ANO10: variants seen among roughly 807,000 people sequenced by gnomAD.
ANO10 encodes anoctamin-10.
Under a neutral mutation model 74.7 loss-of-function variants are expected in ANO10, and 77 were observed. The observed-to-expected ratio is 1.03, with a 90% CI of 0.86 to 1.25. The LOEUF (loss-of-function observed/expected upper bound fraction) is 1.25, where lower values mean the gene tolerates loss of function less well. Ranked by LOEUF, ANO10 falls within the 50% of genes most tolerant of loss-of-function variation. The pLI is 0.00. For missense variants in ANO10, 721 were observed against 778.1 expected (o/e 0.93, Z 0.87); for synonymous variants, 279 against 284.9 (o/e 0.98, Z 0.21).
intron 11 of ANO10, among the ~76,000 whole-genome samples, chr3:43,534,137 C>T (rs2078593027): frequency 6.6e-6 from 1 of 151,794 alleles, no homozygotes; most frequent in Non-Finnish European, 1.5e-5. Context: ...GCATTATTAC[C>T]CAGAGAATAA....
intron 1 of ANO10, among the ~76,000 whole-genome samples, chr3:43,639,351 A>T (rs1375295668): frequency 2.0e-5 from 3 of 152,204 alleles, no homozygotes; most frequent in Admixed American, 1.3e-4. Flanking sequence ...CTAGATCTAG[A>T]GGGCTCCCGT....
At chr3:43,489,098 C>G (rs1367181803) in intron 11 of ANO10, among the ~76,000 whole-genome samples, 1 of 147,058 alleles carries the variant, frequency 6.8e-6, no homozygotes, top group Admixed American at 7.0e-5. Flanking sequence ...CATATTCTCA[C>G]GCATAGGTGG....
At chr3:43,571,868 A>G (rs993494876) in intron 7 of ANO10, among the ~76,000 whole-genome samples, 11 of 151,940 alleles carry the variant, frequency 7.2e-5, no homozygotes, top group Admixed American at 5.2e-4. Flanking sequence ...ACATTAAAAA[A>G]AAAAAAAAAA....
intron 1 of ANO10, among the ~76,000 whole-genome samples, chr3:43,653,696 CAATA>C (rs1477424223): frequency 6.6e-6 from 1 of 152,048 alleles, no homozygotes. Flanking sequence ...AATAAATCAT[CAATA>C]AATAGAATAC....
chr3:43,545,932 T>C (rs891538145), intron 11 of ANO10, among the ~76,000 whole-genome samples: 3 of 152,226 alleles, frequency 2.0e-5, no homozygotes, highest in African/African-American at 7.2e-5. Flanking sequence ...ATTCTATTTG[T>C]AAATGTTACA....
intron 11 of ANO10, among the ~76,000 whole-genome samples, chr3:43,453,364 A>G (rs2074970023): frequency 1.3e-5 from 2 of 151,984 alleles, no homozygotes; most frequent in South Asian, 4.1e-4. Flanking sequence ...TATTTTTAGT[A>G]CAGACGGGGT....
intron 12 of ANO10, among the ~76,000 whole-genome samples, chr3:43,387,247 A>G (rs931490330): frequency 7.2e-4 from 110 of 152,340 alleles, no homozygotes; most frequent in African/African-American, 2.6e-3. Context: ...AAAGTACAGT[A>G]ATCATCATTG....
intron 1 of ANO10, among the ~76,000 whole-genome samples, chr3:43,658,807 C>A (rs918066561): frequency 1.3e-5 from 2 of 151,954 alleles, no homozygotes; most frequent in African/African-American, 4.8e-5. Context: ...AGGTTCAAGA[C>A]GAGGCCAAAC....
intron 11 of ANO10, among the ~76,000 whole-genome samples, chr3:43,546,354 A>G (rs1575395238): frequency 6.6e-6 from 1 of 152,354 alleles, no homozygotes. Flanking sequence ...ATTTCAAAAC[A>G]TACTACAAAG....
At chr3:43,443,878 C>T (rs2093201531) in intron 11 of ANO10, among the ~76,000 whole-genome samples, 1 of 151,806 alleles carries the variant, frequency 6.6e-6, no homozygotes. Context: ...AGACGGGTTT[C>T]ACCATGTTGG....
At chr3:43,505,457 T>C (rs901945436) in intron 11 of ANO10, among the ~76,000 whole-genome samples, 2 of 152,228 alleles carry the variant, frequency 1.3e-5, no homozygotes, top group African/African-American at 4.8e-5. Context: ...TTTCATGAGA[T>C]GTCATCATCT....
chr3:43,597,929 AAAC>A (rs1319962607), intron 4 of ANO10, among the ~76,000 whole-genome samples: 1 of 152,024 alleles, frequency 6.6e-6, no homozygotes, highest in South Asian at 2.1e-4. Context: ...AAAACAAACA[AAAC>A]AACAACAACA....
intron 11 of ANO10, among the ~76,000 whole-genome samples, chr3:43,469,126 T>TC (rs2075752818): frequency 8.0e-6 from 1 of 124,604 alleles, no homozygotes; most frequent in Admixed American, 1.1e-4. Flanking sequence ...CACTGCAACC[T>TC]CCACCTCCCA....
chr3:43,648,942 G>C (rs1364214021), intron 1 of ANO10, among the ~76,000 whole-genome samples: 2 of 152,172 alleles, frequency 1.3e-5, no homozygotes, highest in Non-Finnish European at 2.9e-5. Context: ...CTCCCAAAGT[G>C]CTGGGATTAC....
At chr3:43,477,822 G>T (rs573793224) in intron 11 of ANO10, among the ~76,000 whole-genome samples, 2 of 152,076 alleles carry the variant, frequency 1.3e-5, no homozygotes, top group Admixed American at 1.3e-4. Context: ...TGCTCATTAC[G>T]GGCAGAAAAA....
rs2076903472 is a variant in ANO10, at chr3:43,496,087, AATG to A, written c.1797+53630_1797+53632del. ...TAAGTTACCAGGACACTTTTGGGAA[AATG>A]ATCTCACTGTACCTATTAAAAGTAG... On this transcript the variant is annotated intron_variant, in intron 11 of 12. Transcript: ENST00000292246. Among the ~76,000 whole-genome samples, 3 of 152,150 alleles carry A rather than the reference AATG, an allele frequency of 2.0e-5. No homozygotes were observed. The South Asian group carries it at 6.2e-4, about 32-fold the overall frequency.
chr3:43,504,300 G>GTAGATAGA (rs550211978), intron 11 of ANO10, among the ~76,000 whole-genome samples: 4,492 of 139,752 alleles, frequency 0.032, 143 homozygotes, highest in Admixed American at 0.069. Flanking sequence ...AGGTAGGTAG[G>GTAGATAGA]TAGATAGATA....
At chr3:43,677,763 C>A (rs955933589) in intron 1 of ANO10, among the ~76,000 whole-genome samples, 12 of 152,184 alleles carry the variant, frequency 7.9e-5, no homozygotes, top group African/African-American at 2.9e-4. Context: ...TTCCTTACAG[C>A]ATGGTGGTCT....
chr3:43,625,335 G>C (rs568820977), upstream of ANO10, among the ~76,000 whole-genome samples: 1 of 152,262 alleles, frequency 6.6e-6, no homozygotes, highest in African/African-American at 2.4e-5. Flanking sequence ...AAAGCCAAGA[G>C]GTAAAGGAGA....
Sources: gnomAD v4.1 joint callset for allele counts (sites outside exome capture counted in the v4.1 genomes callset) on GRCh38, gnomAD v4.1.1 for gene constraint, MANE v1.5 for transcripts, NCBI Gene and HGNC (gene_info 2026-07-23, HGNC 2026-07-21) for gene names.